Variants in NMT2 observed in about 807,000 individuals in gnomAD.
NMT2 encodes the protein glycylpeptide N-tetradecanoyltransferase 2.
NMT2 carries 35 observed loss-of-function variants against 65.4 expected under a neutral mutation model. The ratio of observed to expected loss-of-function variants is 0.54; its 90% CI spans 0.41 to 0.71. NMT2 has a LOEUF of 0.71. Ranked by LOEUF, NMT2 falls within the 30% of genes least tolerant of loss-of-function variation. The pLI is 0.00. For synonymous variants in NMT2, 226 were observed against 231.8 expected (o/e 0.98, Z 0.23); for missense variants, 489 against 611.3 (o/e 0.80, Z 2.11).
At chr10:15,127,708 G>C (rs1846143028) in intron 8 of NMT2, among the ~76,000 whole-genome samples, 2 of 151,504 alleles carry the variant, frequency 1.3e-5, no homozygotes, top group Non-Finnish European at 2.9e-5. Context: ...TCTGAGGCCA[G>C]CCTGGCCAAC....
chr10:15,166,795 C>T (rs1018384930), intron 1 of NMT2, among the ~76,000 whole-genome samples: 2 of 152,158 alleles, frequency 1.3e-5, no homozygotes, highest in Non-Finnish European at 2.9e-5. Flanking sequence ...CTGGGTGCTA[C>T]TCTGGGAACT....
intron 1 of NMT2, among the ~76,000 whole-genome samples, chr10:15,164,293 G>T (rs1564595916): frequency 2.0e-5 from 3 of 151,314 alleles, no homozygotes; most frequent in Admixed American, 2.0e-4. Context: ...GTTTATTTTG[G>T]TTCCTATATA....
intron 1 of NMT2, among the ~76,000 whole-genome samples, chr10:15,157,954 C>T (rs917738259): frequency 1.3e-5 from 2 of 152,094 alleles, no homozygotes; most frequent in African/African-American, 4.8e-5. Flanking sequence ...TGAGTTATGG[C>T]CTGGATAACT....
chr10:15,141,941 C>T (rs533741551), intron 1 of NMT2, among the ~76,000 whole-genome samples: 14 of 152,272 alleles, frequency 9.2e-5, no homozygotes, highest in African/African-American at 3.4e-4. Context: ...TTGGGTACGA[C>T]AGAACACTAA....
At chr10:15,134,880 G>A (rs958682124) in intron 3 of NMT2, among the ~76,000 whole-genome samples, 2 of 152,120 alleles carry the variant, frequency 1.3e-5, no homozygotes, top group African/African-American at 4.8e-5. Context: ...TACATGGGAG[G>A]CTGACATGGG....
chr10:15,126,428 TAA>T (rs542212016), intron 8 of NMT2, among the ~76,000 whole-genome samples: 83 of 130,428 alleles, frequency 6.4e-4, no homozygotes, highest in African/African-American at 1.1e-3. Context: ...GCCTCCATCT[TAA>T]AAAAAAAAAA....
rs1051732128 is a variant in NMT2, at chr10:15,153,559, C to T, written c.111-12002G>A. Among the ~76,000 whole-genome samples, 11 of 152,312 alleles carry T rather than the reference C, an allele frequency of 7.2e-5. No individual in the cohort carries two copies. The South Asian group carries it at 2.1e-3, about 29-fold the overall frequency. ...GTACCACACAGCTGACCTCTGAATA[C>T]GTCACACTACTTATTCAAAAAGTAA... On this transcript the variant is annotated intron_variant, in intron 1 of 11. Coordinates refer to ENST00000378165, the MANE Select transcript of NMT2 (RefSeq NM_004808.3).
chr10:15,118,926 A>T (rs1845834253), intron 9 of NMT2, among the ~76,000 whole-genome samples: 1 of 152,204 alleles, frequency 6.6e-6, no homozygotes, highest in African/African-American at 2.4e-5. Flanking sequence ...TGGTCTGTGA[A>T]CCCTGTGGGT....
chr10:15,158,766 T>C (rs1564592145), intron 1 of NMT2, among the ~76,000 whole-genome samples: 3 of 152,212 alleles, frequency 2.0e-5, no homozygotes, highest in Non-Finnish European at 4.4e-5. Context: ...CTTACAGTTC[T>C]GGAGGCTGGA....
intron 10 of NMT2, 43 bp from the exon 11 acceptor site, chr10:15,109,882 G>A (rs776565489): frequency 2.7e-6 from 4 of 1,501,970 alleles, no homozygotes; most frequent in Admixed American, 1.9e-5. Flanking sequence ...CAAAGGACTA[G>A]TGTTTTCTGT....
chr10:15,141,251 G>A, intron 2 of NMT2, 171 bp downstream of exon 2: 1 of 898,232 alleles, frequency 1.1e-6, no homozygotes, highest in Non-Finnish European at 1.7e-6. Context: ...TCGTTATTTG[G>A]GTGCCAAAGT....
At chr10:15,157,776 G>A (rs1056936749) in intron 1 of NMT2, among the ~76,000 whole-genome samples, 9 of 152,112 alleles carry the variant, frequency 5.9e-5, no homozygotes, top group Non-Finnish European at 1.2e-4. Context: ...CCATTACACT[G>A]GTGAATTTTG....
chr10:15,122,905 T>G (rs1284341670), intron 8 of NMT2, among the ~76,000 whole-genome samples: 1 of 151,820 alleles, frequency 6.6e-6, no homozygotes, highest in African/African-American at 2.4e-5. Context: ...GTGAAAAAAT[T>G]ACATACTAGT....
chr10:15,121,126 G>T (rs1322649732), intron 8 of NMT2, among the ~76,000 whole-genome samples: 1 of 152,068 alleles, frequency 6.6e-6, no homozygotes, highest in Non-Finnish European at 1.5e-5. Flanking sequence ...GAGAAATACA[G>T]TTTATTTTTT....
At chr10:15,168,364 G>C in intron 1 of NMT2, 139 bp downstream of exon 1, 1 of 667,338 alleles carries the variant, frequency 1.5e-6, no homozygotes, top group Non-Finnish European at 2.5e-6. Flanking sequence ...CCTCACCATG[G>C]GCTCCGCGCC....
intron 1 of NMT2, among the ~76,000 whole-genome samples, chr10:15,149,248 TCATCAC>T (rs988434753): frequency 1.6e-5 from 2 of 121,530 alleles, no homozygotes; most frequent in Admixed American, 1.7e-4. Context: ...GCCACTGTCA[TCATCAC>T]CATCACCATC....
chr10:15,152,370 G>A (rs1480726762), intron 1 of NMT2, among the ~76,000 whole-genome samples: 1 of 152,216 alleles, frequency 6.6e-6, no homozygotes, highest in Non-Finnish European at 1.5e-5. Context: ...AAATACCACA[G>A]AGCTCTGAGA....
chr10:15,122,364 A>G (rs1324084863), intron 8 of NMT2, among the ~76,000 whole-genome samples: 1 of 152,154 alleles, frequency 6.6e-6, no homozygotes, highest in Admixed American at 6.5e-5. Flanking sequence ...GGAACTGCCC[A>G]GCAGATCGCC....
intron 2 of NMT2, chr10:15,140,888 T>C (rs964203964): frequency 8.5e-7 from 1 of 1,180,000 alleles, no homozygotes; most frequent in African/African-American, 1.5e-5. Context: ...TGGTTTGGTT[T>C]AAACTAGGAG....
Sources: allele counts gnomAD v4.1 joint callset (sites outside exome capture counted in the v4.1 genomes callset), GRCh38; gene constraint gnomAD v4.1.1; transcripts MANE v1.5; gene names NCBI Gene and HGNC (gene_info 2026-07-23, HGNC 2026-07-21).